Variants in SETBP1 observed in about 807,000 individuals in gnomAD.
The protein encoded by SETBP1 is SET-binding protein.
SETBP1 carries 9 observed loss-of-function variants against 101.0 expected under a neutral mutation model. The ratio of observed to expected loss-of-function variants is 0.09; its 90% CI spans 0.05 to 0.16. SETBP1 has a LOEUF of 0.16. Among genes scored for constraint, SETBP1 ranks in the 10% least tolerant of loss-of-function variants. SETBP1 has a pLI of 1.00. For synonymous variants in SETBP1, 818 were observed against 788.5 expected (o/e 1.04, Z -0.63); for missense variants, 1,858 against 2,033.8 (o/e 0.91, Z 1.66).
chr18:44,952,459 A>G lies in SETBP1; in HGVS notation c.3119A>G (p.Tyr1040Cys), dbSNP rs1357097439. ...TKVPFLQGFS[Y>C]PIPSGSYYAP... ...GTGCCTTTTTTACAAGGGTTCAGCT[A>G]CCCTATTCCCAGTGGAAGTTACTAT... is the stretch of plus-strand genomic sequence containing the variant. Residue 1040 changes from tyrosine (Y) to cysteine (C), a missense_variant, in exon 4 of 6, where the codon TAC (tyrosine) becomes TGC (cysteine). Transcript: ENST00000649279. 1 of 1,614,100 alleles carries G rather than the reference A, an allele frequency of 6.2e-7. No homozygotes were observed. Among genetic ancestry groups the G allele is most frequent in the South Asian group, 1.1e-5 (1 of 91,074 alleles).
intron 4 of SETBP1, among the ~76,000 whole-genome samples, chr18:44,978,301 A>G (rs569368097): frequency 6.6e-6 from 1 of 152,120 alleles, no homozygotes; most frequent in East Asian, 1.9e-4. Flanking sequence ...TCTTTTTTTT[A>G]TTCCGACTGC....
intron 3 of SETBP1, among the ~76,000 whole-genome samples, chr18:44,916,648 C>T (rs1041229813): frequency 1.3e-5 from 2 of 151,778 alleles, no homozygotes; most frequent in African/African-American, 4.8e-5. Flanking sequence ...ATCCAAGAAA[C>T]AGCCCAGACA....
At chr18:44,925,396 G>A (rs2144956983) in intron 3 of SETBP1, among the ~76,000 whole-genome samples, 1 of 152,128 alleles carries the variant, frequency 6.6e-6, no homozygotes, top group African/African-American at 2.4e-5. Context: ...AAACCAGGCT[G>A]GATAGTCAGG....
intron 2 of SETBP1, among the ~76,000 whole-genome samples, chr18:44,846,985 A>G (rs1423589090): frequency 6.6e-6 from 1 of 152,190 alleles, no homozygotes; most frequent in Non-Finnish European, 1.5e-5. Context: ...CTATAATGGC[A>G]GGGGTGGTCC....
chr18:45,062,503 A>G (rs1203546031), intron 5 of SETBP1, among the ~76,000 whole-genome samples: 3 of 152,262 alleles, frequency 2.0e-5, no homozygotes, highest in Non-Finnish European at 4.4e-5. Context: ...GAGAAGGGTT[A>G]GGAATAAAAT....
At chr18:44,915,528 A>C (rs1263372217) in intron 3 of SETBP1, among the ~76,000 whole-genome samples, 1 of 152,212 alleles carries the variant, frequency 6.6e-6, no homozygotes. Context: ...AGACAAAAAC[A>C]CATAAAAATA....
chr18:44,857,490 C>T (rs1202495058), intron 2 of SETBP1, among the ~76,000 whole-genome samples: 1 of 152,146 alleles, frequency 6.6e-6, no homozygotes, highest in Non-Finnish European at 1.5e-5. Flanking sequence ...CAAGGTTGCA[C>T]TTTTAGTGAA....
chr18:44,777,250 G>A (rs2071024204), intron 2 of SETBP1, among the ~76,000 whole-genome samples: 1 of 152,116 alleles, frequency 6.6e-6, no homozygotes, highest in Non-Finnish European at 1.5e-5. Context: ...CCAGGAATTT[G>A]AATCCAGCCT....
At chr18:45,015,863 A>G (rs531831318) in intron 4 of SETBP1, among the ~76,000 whole-genome samples, 1 of 152,378 alleles carries the variant, frequency 6.6e-6, no homozygotes, top group Non-Finnish European at 1.5e-5. Context: ...TTTGACATTT[A>G]GTCATGGGGA....
chr18:44,819,777 G>A (rs1245738544), intron 2 of SETBP1, among the ~76,000 whole-genome samples: 1 of 152,150 alleles, frequency 6.6e-6, no homozygotes, highest in Non-Finnish European at 1.5e-5. Flanking sequence ...GTTAAAATCA[G>A]GCAACAATTG....
intron 2 of SETBP1, among the ~76,000 whole-genome samples, chr18:44,743,687 C>T (rs550564149): frequency 5.6e-4 from 85 of 152,270 alleles, no homozygotes; most frequent in Non-Finnish European, 1.1e-3. Flanking sequence ...GAAGACTAGC[C>T]CCCATTTAAC....
intron 2 of SETBP1, among the ~76,000 whole-genome samples, chr18:44,822,102 T>G (rs1224712004): frequency 6.6e-6 from 1 of 152,282 alleles, no homozygotes; most frequent in Non-Finnish European, 1.5e-5. Flanking sequence ...TGACTCTGTT[T>G]ATTTGTACAA....
intron 2 of SETBP1, among the ~76,000 whole-genome samples, chr18:44,845,043 T>G (rs1263073632): frequency 6.6e-6 from 1 of 152,182 alleles, no homozygotes; most frequent in Non-Finnish European, 1.5e-5. Context: ...TTTGTTGTTG[T>G]TGTTTTGAGT....
rs761097402 is a variant in SETBP1 at position 44,952,130 on chromosome 18, C to T, written c.2790C>T (p.His930=). 14 of 1,613,950 alleles carry T rather than the reference C, an allele frequency of 8.7e-6. No individual in the cohort carries two copies. The highest frequency in any genetic ancestry group is 4.4e-5 in the South Asian group (4 of 91,074). The stretch of plus-strand genomic sequence containing the variant: ...TCATTGTGGACAACTTTCTGGCCCA[C>T]GAAAGCCTCAAGAAGCCAAAGCACA... ...KHLIVDNFLA[H]ESLKKPKHKR... is the part of the protein sequence containing the mutation. The change falls in exon 4 of 6, where the codon CAC becomes CAT. Residue 930 remains histidine (H), a synonymous_variant. Transcript: ENST00000649279.
At chr18:45,011,512 A>G (rs1344179378) in intron 4 of SETBP1, among the ~76,000 whole-genome samples, 3 of 152,184 alleles carry the variant, frequency 2.0e-5, no homozygotes, top group Non-Finnish European at 4.4e-5. Context: ...ACAGAGTCTC[A>G]CTAGGAAAAA....
intron 2 of SETBP1, among the ~76,000 whole-genome samples, chr18:44,779,909 C>T (rs936184580): frequency 5.9e-5 from 9 of 151,448 alleles, no homozygotes; most frequent in Admixed American, 2.0e-4. Flanking sequence ...ATTGCAGCCC[C>T]GAACACACAC....
chr18:45,032,680 C>A (rs2073321687), intron 4 of SETBP1, among the ~76,000 whole-genome samples: 1 of 152,168 alleles, frequency 6.6e-6, no homozygotes, highest in African/African-American at 2.4e-5. Context: ...TCTCCCCAAG[C>A]TATGAGACCC....
intron 2 of SETBP1, among the ~76,000 whole-genome samples, chr18:44,804,298 C>T (rs2144791198): frequency 6.6e-6 from 1 of 152,174 alleles, no homozygotes; most frequent in South Asian, 2.1e-4. Context: ...TGGGCTTAGG[C>T]CAGGCGATTT....
At chr18:44,703,212 T>A (rs2069147992) in intron 2 of SETBP1, among the ~76,000 whole-genome samples, 1 of 152,106 alleles carries the variant, frequency 6.6e-6, no homozygotes, top group Non-Finnish European at 1.5e-5. Flanking sequence ...TTAATCATAA[T>A]CTTTGTCACT....
Sources: gnomAD v4.1 joint callset for allele counts (sites outside exome capture counted in the v4.1 genomes callset) on GRCh38, gnomAD v4.1.1 for gene constraint, MANE v1.5 for transcripts, NCBI Gene and HGNC (gene_info 2026-07-23, HGNC 2026-07-21) for gene names.